Variants in PPL observed in about 807,000 individuals in gnomAD.
PPL encodes the protein periplakin.
A neutral mutation model predicts 194.4 loss-of-function variants in PPL; 198 were observed. That is an observed-to-expected ratio of 1.02 (90% confidence interval 0.91 to 1.15). PPL has a LOEUF of 1.15. Among genes scored for constraint, PPL ranks in the 50% most tolerant of loss-of-function variants. The pLI, the probability that PPL is intolerant of heterozygous loss-of-function variation, is 0.00. For synonymous variants in PPL, 1,220 were observed against 972.4 expected, an observed-to-expected ratio of 1.25 and a Z score of -4.74; for missense variants, 2,885 against 2,294.8, an observed-to-expected ratio of 1.26 and a Z score of -5.25.
At position 4,884,821 on chromosome 16, in the gene PPL, G is replaced by C. The variant is rs754114760; in HGVS notation, c.3834C>G (p.Ala1278=). 1.5e-5 allele frequency: 24 copies of C among 1,613,922 alleles called. No individual in the cohort carries two copies. Among genetic ancestry groups the C allele is most frequent in the Admixed American group, 3.3e-5 (2 of 59,992 alleles). Residue 1278 remains alanine (A), a synonymous_variant, in exon 22 of 22, where the codon GCC becomes GCG. Coordinates refer to ENST00000345988, the MANE Select transcript of PPL (RefSeq NM_002705.5). The surrounding 1 kb of genome is among the most constrained non-coding windows in gnomAD (Gnocchi z 5.7). ...GGACCTGGGGTTTGGTGTCTTTCAG[G>C]GCCTGGATTTCCTTTTTCAGCTGGT... ...EIYQLKKEIQ[A]LKDTKPQVQT...
At chr16:4,912,097 C>T (rs2088830648) in intron 1 of PPL, among the ~76,000 whole-genome samples, 1 of 152,238 alleles carries the variant, frequency 6.6e-6, no homozygotes, top group Non-Finnish European at 1.5e-5. Context: ...TTAAAATACA[C>T]AGTCACTGGC....
At chr16:4,906,621 T>C (rs1448348885) in intron 2 of PPL, among the ~76,000 whole-genome samples, 1 of 152,232 alleles carries the variant, frequency 6.6e-6, no homozygotes, top group Non-Finnish European at 1.5e-5. Context: ...CATTAATCAT[T>C]GCCTAATTCG....
chr16:4,888,246 G>A (rs1389878856), intron 19 of PPL, 28 bp from the exon 20 acceptor site: 6 of 1,505,970 alleles, frequency 4.0e-6, no homozygotes, highest in Non-Finnish European at 5.5e-6. Context: ...ATGGCAGAGG[G>A]GAGATTAAAA....
rs575093337 is a variant in PPL at position 4,918,692 on chromosome 16, C to T, written c.63-7743G>A. ...AGCAAGGCAGAGCTGGGATTCGAAT[C>T]CAGGCCTCCGGAAGCACAGTCTCAG... On this transcript the variant is annotated intron_variant, in intron 1 of 21. Coordinates refer to ENST00000345988, the MANE Select transcript of PPL (RefSeq NM_002705.5). 3.9e-5 allele frequency among the ~76,000 whole-genome samples: 6 copies of T among 152,332 alleles called. No individual in the cohort carries two copies. In the South Asian group the frequency reaches 1.2e-3, roughly 32 times the overall value.
At position 4,930,972 on chromosome 16, in the gene PPL, AG is replaced by A. The variant is rs2089218553; in HGVS notation, c.62+6011del. On this transcript the variant is annotated intron_variant, in intron 1 of 21. Coordinates refer to ENST00000345988, the MANE Select transcript of PPL (RefSeq NM_002705.5). ...GAGCTCCCTGGCTGCCATGGGGAGA[AG>A]GGACTGGAGCGCTGGAGTGGAAGAA... 2.6e-5 allele frequency among the ~76,000 whole-genome samples: 4 copies of A among 152,250 alleles called. No individual in the cohort carries two copies. In the East Asian group the frequency reaches 5.8e-4, roughly 22 times the overall value.
intron 1 of PPL, among the ~76,000 whole-genome samples, chr16:4,927,088 A>G (rs901897652): frequency 6.6e-6 from 1 of 152,160 alleles, no homozygotes; most frequent in South Asian, 2.1e-4. Context: ...GTTCAAACAC[A>G]TTAGTCATTA....
intron 2 of PPL, among the ~76,000 whole-genome samples, chr16:4,908,162 C>CAA (rs55889324): frequency 1.5e-4 from 11 of 73,220 alleles, no homozygotes; most frequent in African/African-American, 4.9e-4. Context: ...AGACTGTCTC[C>CAA]AAAAAAAAAA....
At chr16:4,931,764 G>C (rs1329416505) in intron 1 of PPL, among the ~76,000 whole-genome samples, 1 of 152,156 alleles carries the variant, frequency 6.6e-6, no homozygotes, top group Admixed American at 6.5e-5. Flanking sequence ...TTAGGGTATT[G>C]CTTAAAGGGT....
Position 4,902,304 on chromosome 16 carries a change from G to C in PPL, c.438+102C>G, listed in dbSNP as rs2088589949. Reference sequence around the variant, plus strand: ...CATCAGGACCACGACTGTCTCCCTGGTAAGACCCGGGATGCCCATTACATG... The same window carrying C: ...CATCAGGACCACGACTGTCTCCCTGCTAAGACCCGGGATGCCCATTACATG... On this transcript the variant is annotated intron_variant, in intron 4 of 21. Coordinates refer to ENST00000345988, the MANE Select transcript of PPL (RefSeq NM_002705.5). The surrounding 1 kb of genome is among the most constrained non-coding windows in gnomAD (Gnocchi z 4.0). The C allele has an allele frequency of 6.6e-7, 1 of 1,526,680 alleles. No individual in the cohort carries two copies. The highest frequency in any genetic ancestry group is 1.3e-5 in the South Asian group (1 of 78,730). The allele number at this position is 1,526,680 out of a possible 1,614,324, so 94.6% of individuals were successfully genotyped here. A position where few individuals can be genotyped will look rare whatever the true frequency, so the allele number is the denominator to read the frequency against.
intron 13 of PPL, 49 bp from the exon 14 acceptor site, chr16:4,893,419 G>A (rs374899645): frequency 8.1e-6 from 13 of 1,595,562 alleles, no homozygotes; most frequent in Admixed American, 3.4e-5. Flanking sequence ...GGCCAGGGGT[G>A]TGAGGCCCAG....
At chr16:4,931,368 G>T (rs527748672) in intron 1 of PPL, among the ~76,000 whole-genome samples, 15 of 152,172 alleles carry the variant, frequency 9.9e-5, no homozygotes, top group African/African-American at 3.6e-4. Context: ...TGTCTCTAAA[G>T]AATAAAGAAA....
chr16:4,887,077 C>T, intron 21 of PPL, 58 bp downstream of exon 21: 1 of 1,331,972 alleles, frequency 7.5e-7, no homozygotes, highest in South Asian at 1.2e-5. Context: ...AAGACAGAGT[C>T]TGTATTTGTC....
At chr16:4,907,340 AC>A (rs2088710261) in intron 2 of PPL, among the ~76,000 whole-genome samples, 1 of 147,102 alleles carries the variant, frequency 6.8e-6, no homozygotes, top group East Asian at 1.9e-4. Context: ...ACACACACAC[AC>A]ACACACACAC....
intron 8 of PPL, 67 bp from the exon 9 acceptor site, chr16:4,897,837 G>A (rs2088464787): frequency 1.5e-6 from 2 of 1,336,496 alleles, no homozygotes; most frequent in Non-Finnish European, 2.1e-6. Flanking sequence ...AGGGACTGCT[G>A]GGATATTGGG....
In PPL at chr16:4,885,774, G is replaced by A. The variant is rs747564595; in HGVS notation, c.2881C>T (p.Gln961Ter). 6.2e-7 allele frequency: 1 copy of A among 1,611,148 alleles called. No individual in the cohort carries two copies. Among genetic ancestry groups the A allele is most frequent in the Non-Finnish European group, 8.5e-7 (1 of 1,179,978 alleles). ...QQLQRTLAEE[Q>*]HKNQLLQEEL... is the part of the protein sequence containing the mutation. ...TCCTGCAGCAGCTGGTTCTTGTGCT[G>A]CTCCTCTGCCAGCGTCCGCTGCAGC... The change falls in exon 22 of 22, where the codon CAG becomes TAG. Residue 961 changes from glutamine to a stop codon, truncating the protein, a stop_gained. Coordinates refer to ENST00000345988, the MANE Select transcript of PPL (RefSeq NM_002705.5). LOFTEE classifies it high-confidence loss of function. The surrounding 1 kb of genome is among the most constrained non-coding windows in gnomAD (Gnocchi z 6.3).
At chr16:4,911,070 A>T in intron 1 of PPL, 121 bp from the exon 2 acceptor site, 1 of 728,782 alleles carries the variant, frequency 1.4e-6, no homozygotes, top group Non-Finnish European at 2.3e-6. Flanking sequence ...CTGCCCACAG[A>T]GCCTTTGAGG....
intron 1 of PPL, among the ~76,000 whole-genome samples, chr16:4,923,099 G>A (rs921128646): frequency 1.3e-5 from 2 of 152,146 alleles, no homozygotes; most frequent in African/African-American, 4.8e-5. Flanking sequence ...CTCTGAGAAC[G>A]TTCTTCCGTC....
chr16:4,893,248 C>T lies in PPL; in HGVS notation c.1615G>A (p.Val539Met), dbSNP rs372660147. Residue 539 changes from valine to methionine, a missense_variant, in exon 14 of 22, where the codon GTG (valine) becomes ATG (methionine). Transcript: ENST00000345988. ...TTGGCCCGCTCGGCACTGTCCTGCA[C>T]AGCCCGGCCTTGCTCCAGTGGTGGC... ...LRPPLEQGRA[V>M]QDSAERAKDL... The T allele has an allele frequency of 6.6e-5, 105 of 1,590,758 alleles. No homozygotes were observed. The highest frequency in any genetic ancestry group is 8.5e-5 in the Non-Finnish European group (100 of 1,172,584).
At chr16:4,912,999 G>A (rs891015622) in intron 1 of PPL, among the ~76,000 whole-genome samples, 3 of 152,134 alleles carry the variant, frequency 2.0e-5, no homozygotes, top group Non-Finnish European at 4.4e-5. Flanking sequence ...AGCTACTCGG[G>A]AGGCTGAGGC....
Sources: gnomAD v4.1 joint callset for allele counts (sites outside exome capture counted in the v4.1 genomes callset) on GRCh38, gnomAD v4.1.1 for gene constraint, Gnocchi (gnomAD v3.1) non-coding constraint, MANE v1.5 for transcripts, NCBI Gene and HGNC (gene_info 2026-07-23, HGNC 2026-07-21) for gene names.